Variants in JMJD6 observed in about 807,000 individuals in gnomAD.
The protein encoded by JMJD6 is bifunctional arginine demethylase and lysyl-hydroxylase JMJD6.
A neutral mutation model predicts 45.8 loss-of-function variants in JMJD6; 17 were observed. The ratio of observed to expected loss-of-function variants is 0.37; its 90% confidence interval spans 0.25 to 0.56. The LOEUF (loss-of-function observed/expected upper bound fraction) is 0.56, where lower values mean the gene tolerates loss of function less well. Among genes scored for constraint, JMJD6 ranks in the 20% least tolerant of loss-of-function variants. The pLI is 0.79. For synonymous variants in JMJD6, 221 were observed against 196.3 expected, an observed-to-expected ratio of 1.13 and a Z score of -1.05; for missense variants, 470 against 517.5, an observed-to-expected ratio of 0.91 and a Z score of 0.89.
rs561906705 is a variant in JMJD6, at chr17:76,723,670, T to C, written c.805+102A>G. ...GTTAGCAAGGATGGTCTCGATCTCC[T>C]GACCTCGTGATCTGCCCGCCTCAGC... is the stretch of plus-strand genomic sequence containing the variant. On this transcript the variant is annotated intron_variant, in intron 3 of 5. Coordinates refer to ENST00000397625, the MANE Select transcript of JMJD6 (RefSeq NM_015167.3). 73 of 1,093,074 alleles carry C rather than the reference T, an allele frequency of 6.7e-5. No individual in the cohort carries two copies. The African/African-American group carries it at 9.7e-4, about 15-fold the overall frequency. The allele number at this position is 1,093,074 out of a possible 1,614,324, so 67.7% of individuals were successfully genotyped here.
chr17:76,715,558 C>G (rs1205947339), downstream of JMJD6: 3 of 152,194 alleles, frequency 2.0e-5, no homozygotes, highest in Non-Finnish European at 4.4e-5. Flanking sequence ...TGAGAGGCAA[C>G]AGCACACAAT....
chr17:76,721,208 C>A, intron 4 of JMJD6: 1 of 317,640 alleles, frequency 3.1e-6, no homozygotes, highest in Non-Finnish European at 6.9e-6. Context: ...ACCACCCTTA[C>A]TGGCCCTCTC....
In JMJD6 at chr17:76,724,263, C is replaced by T. The variant is rs142535811; in HGVS notation, c.519-205G>A. Among the ~76,000 whole-genome samples, 127 of 151,714 alleles carry T rather than the reference C, an allele frequency of 8.4e-4. No homozygotes were observed. In the South Asian group the frequency reaches 0.013, roughly 16 times the overall value. ...TAGCCTCCTGAGTAGCTGGGATTAC[C>T]GACGCACACCACCACGCCTGGCTAA... On this transcript the variant is annotated intron_variant, in intron 2 of 5. Transcript: ENST00000397625.
chr17:76,725,787 A>G lies in JMJD6; in HGVS notation c.198T>C (p.Pro66=). Residue 66 remains proline, a synonymous_variant, in exon 2 of 6, where the codon CCT becomes CCC. Transcript: ENST00000397625. ...VEEFVERYER[P]YKPVVLLNAQ... ...CATTCAACAAAACCACGGGCTTGTA[A>G]GGTCTTTCATACCGCTCCACAAATT... is the stretch of plus-strand genomic sequence containing the variant. 2 of 1,614,050 alleles carry G rather than the reference A, an allele frequency of 1.2e-6. No homozygotes were observed. The highest frequency in any genetic ancestry group is 1.7e-6 in the Non-Finnish European group (2 of 1,180,008).
At chr17:76,724,189 T>A (rs1187289583) in intron 2 of JMJD6, 131 bp from the exon 3 acceptor site, 10 of 937,440 alleles carry the variant, frequency 1.1e-5, no homozygotes, top group Admixed American at 7.8e-5. Flanking sequence ...GGCGTGATCT[T>A]GGCTGACAGT....
chr17:76,725,945 C>T (rs1217251421), intron 1 of JMJD6, 90 bp from the exon 2 acceptor site: 10 of 1,437,602 alleles, frequency 7.0e-6, no homozygotes, highest in Non-Finnish European at 9.2e-6. Context: ...CTGGTAATGA[C>T]AAACCGAAGG....
chr17:76,716,782 C>G, downstream of JMJD6: 1 of 1,591,816 alleles, frequency 6.3e-7, no homozygotes, highest in Non-Finnish European at 8.6e-7. Context: ...GGGTACAAAG[C>G]TGGAAGGCAA....
chr17:76,720,960 T>C (rs1244294991), intron 4 of JMJD6, among the ~76,000 whole-genome samples: 1 of 152,222 alleles, frequency 6.6e-6, no homozygotes, highest in Admixed American at 6.5e-5. Flanking sequence ...CAATTAGATT[T>C]GTAAGAAATA....
intron 5 of JMJD6, 130 bp from the exon 6 acceptor site, chr17:76,718,990 G>C (rs1166595107): frequency 6.9e-6 from 6 of 864,590 alleles, no homozygotes; most frequent in Non-Finnish European, 1.0e-5. Flanking sequence ...CAGTCATTAT[G>C]ACAGCTCCAC....
At chr17:76,723,076 G>A (rs2076848449) in intron 3 of JMJD6, among the ~76,000 whole-genome samples, 2 of 151,262 alleles carry the variant, frequency 1.3e-5, no homozygotes, top group Admixed American at 1.3e-4. Flanking sequence ...CTCCTGAGTA[G>A]CTGGGATTAC....
Position 76,720,625 on chromosome 17 carries a change from A to G in JMJD6, c.942-127T>C, listed in dbSNP as rs564451274. Reference sequence around the variant, plus strand: ...TGCCAGGTGTGTCCGTTCAGAATGGATACTGTACAATGGTGAGGACAAAAC... The same window carrying G: ...TGCCAGGTGTGTCCGTTCAGAATGGGTACTGTACAATGGTGAGGACAAAAC... On this transcript the variant is annotated intron_variant, in intron 4 of 5. Coordinates refer to ENST00000397625, the MANE Select transcript of JMJD6 (RefSeq NM_015167.3). The G allele has an allele frequency of 6.4e-5, 55 of 856,158 alleles. No homozygotes were observed. The East Asian group carries it at 1.3e-3, about 21-fold the overall frequency. The allele number at this position is 856,158 out of a possible 1,614,324, so 53.0% of individuals were successfully genotyped here.
chr17:76,721,187 G>T, intron 4 of JMJD6: 1 of 270,180 alleles, frequency 3.7e-6, no homozygotes, highest in Non-Finnish European at 8.1e-6. Flanking sequence ...AGTCCAGGGA[G>T]AACAGAAGCC....
At chr17:76,723,305 T>C (rs1598379397) in intron 3 of JMJD6, among the ~76,000 whole-genome samples, 1 of 152,128 alleles carries the variant, frequency 6.6e-6, no homozygotes, top group Non-Finnish European at 1.5e-5. Context: ...TCCCAAAGTA[T>C]GTGACACTAT....
chr17:76,720,599 A>T, intron 4 of JMJD6, 101 bp from the exon 5 acceptor site: 9 of 1,147,384 alleles, frequency 7.8e-6, no homozygotes, highest in South Asian at 2.6e-5. Context: ...ACACCTGGGA[A>T]TGCCAGGTGT....
chr17:76,715,180 GA>G (rs1043314543), downstream of JMJD6: 15 of 152,192 alleles, frequency 9.9e-5, no homozygotes, highest in Non-Finnish European at 2.2e-4. Flanking sequence ...TAGATGGCAA[GA>G]AAAGTCTTTT....
chr17:76,726,218 G>A, intron 1 of JMJD6, 129 bp downstream of exon 1: 1 of 1,268,732 alleles, frequency 7.9e-7, no homozygotes, highest in South Asian at 1.6e-5. Context: ...CCCAAACTCC[G>A]CGGGGTGCGG....
At chr17:76,716,531 A>G (rs977787179), downstream of JMJD6, 36 of 672,486 alleles carry the variant, frequency 5.4e-5, no homozygotes, top group African/African-American at 5.9e-4. Flanking sequence ...CAGTAAAAAC[A>G]GCATTTGACC....
At chr17:76,718,109 G>A (rs890920432), downstream of JMJD6, among the ~76,000 whole-genome samples, 10 of 145,824 alleles carry the variant, frequency 6.9e-5, no homozygotes, top group Non-Finnish European at 1.5e-5. Flanking sequence ...GCTGCTGTGA[G>A]CCATGATCAC....
At chr17:76,715,235 AGATTATACATTCAGAGTTT>A, downstream of JMJD6, 1 of 152,212 alleles carries the variant, frequency 6.6e-6, no homozygotes, top group East Asian at 1.9e-4. Flanking sequence ...TACTACCAAG[AGATTATACATTCAGAGTTT>A]GACTTTACTC....
Sources: gnomAD v4.1 joint callset for allele counts (sites outside exome capture counted in the v4.1 genomes callset) on GRCh38, gnomAD v4.1.1 for gene constraint, MANE v1.5 for transcripts, NCBI Gene and HGNC (gene_info 2026-07-23, HGNC 2026-07-21) for gene names.